CDH13: variants seen among roughly 807,000 people sequenced by gnomAD.
The protein encoded by CDH13 is cadherin 13, also known as cadherin-13.
Under a neutral mutation model 63.8 loss-of-function variants are expected in CDH13, and 24 were observed. That is an observed-to-expected ratio of 0.38 (90% CI 0.27 to 0.53). The LOEUF is 0.53. Ranked by LOEUF, CDH13 falls within the 20% of genes least tolerant of loss-of-function variation. CDH13 has a pLI of 0.85. For missense variants in CDH13, 1,049 were observed against 903.1 expected (o/e 1.16, Z -2.07); for synonymous variants, 503 against 355.3 (o/e 1.42, Z -4.67).
rs572415242 is a variant in CDH13 at position 83,210,916 on chromosome 16, G to A, written c.484-6429G>A. 3.3e-4 allele frequency among the ~76,000 whole-genome samples: 50 copies of A among 151,702 alleles called. 1 individual carries two copies. The highest frequency in any genetic ancestry group is 1.2e-3 in the African/African-American group (48 of 41,388). ...TCTAATCCGAGCACTTTGGGAGGCC[G>A]AGGCAGGCAGATCACAAGGTCAGGA... On this transcript the variant is annotated intron_variant, in intron 4 of 13. Transcript: ENST00000567109.
At chr16:83,197,141 G>A (rs2038900074) in intron 4 of CDH13, among the ~76,000 whole-genome samples, 1 of 152,098 alleles carries the variant, frequency 6.6e-6, no homozygotes, top group African/African-American at 2.4e-5. Context: ...CAGCAACTTG[G>A]AAGAATCTCC....
At chr16:82,696,494 G>T (rs918815090) in intron 1 of CDH13, among the ~76,000 whole-genome samples, 1 of 152,218 alleles carries the variant, frequency 6.6e-6, no homozygotes, top group African/African-American at 2.4e-5. Context: ...CAGCTTTGCA[G>T]TTAAGTTCTG....
intron 2 of CDH13, among the ~76,000 whole-genome samples, chr16:83,006,028 A>C (rs1413699489): frequency 6.6e-6 from 1 of 152,208 alleles, no homozygotes; most frequent in Non-Finnish European, 1.5e-5. Context: ...AAATGTACTC[A>C]GTTCAGATTC....
At chr16:83,060,970 ACT>A (rs1476600610) in intron 3 of CDH13, among the ~76,000 whole-genome samples, 3 of 151,732 alleles carry the variant, frequency 2.0e-5, no homozygotes, top group Non-Finnish European at 2.9e-5. Context: ...ATGGCTAATG[ACT>A]CTCACTCCTA....
At chr16:83,476,608 G>T (rs746957579) in intron 6 of CDH13, among the ~76,000 whole-genome samples, 4 of 152,192 alleles carry the variant, frequency 2.6e-5, no homozygotes, top group African/African-American at 4.8e-5. Flanking sequence ...GGGGGACAGA[G>T]GTTGCTGTGA....
At chr16:83,695,328 T>C (rs1042122227) in intron 10 of CDH13, among the ~76,000 whole-genome samples, 1 of 152,404 alleles carries the variant, frequency 6.6e-6, no homozygotes, top group East Asian at 1.9e-4. Flanking sequence ...ATGGCGCTGC[T>C]GTGCGCAAGC....
chr16:82,788,907 A>T (rs1423181883), intron 1 of CDH13, among the ~76,000 whole-genome samples: 1 of 152,196 alleles, frequency 6.6e-6, no homozygotes, highest in Non-Finnish European at 1.5e-5. Flanking sequence ...TTGTAGGAAG[A>T]CATTTAAAAG....
At chr16:83,019,068 AG>A (rs1430747907) in intron 2 of CDH13, among the ~76,000 whole-genome samples, 2 of 152,150 alleles carry the variant, frequency 1.3e-5, no homozygotes, top group Admixed American at 6.5e-5. Flanking sequence ...TATAAGAAAA[AG>A]CTTTCTTTCT....
chr16:83,147,848 C>G (rs994423418), intron 4 of CDH13, among the ~76,000 whole-genome samples: 2 of 152,142 alleles, frequency 1.3e-5, no homozygotes, highest in Non-Finnish European at 2.9e-5. Flanking sequence ...GCACAGCACC[C>G]TGACACCATC....
chr16:83,740,785 GTAT>G (rs1426363907), intron 10 of CDH13, among the ~76,000 whole-genome samples: 1 of 152,178 alleles, frequency 6.6e-6, no homozygotes, highest in Admixed American at 6.5e-5. Context: ...AAGGCAAGAA[GTAT>G]CCCATCCTCC....
chr16:82,882,315 T>C (rs1055417822), intron 2 of CDH13, among the ~76,000 whole-genome samples: 1 of 152,194 alleles, frequency 6.6e-6, no homozygotes, highest in African/African-American at 2.4e-5. Flanking sequence ...TGGGTACTAA[T>C]GTCATCTTCC....
At chr16:83,228,586 A>C (rs796892263) in intron 5 of CDH13, among the ~76,000 whole-genome samples, 15 of 152,320 alleles carry the variant, frequency 9.8e-5, no homozygotes, top group African/African-American at 3.6e-4. Flanking sequence ...CAAATTCTCA[A>C]GAATGAGGAA....
chr16:83,159,903 C>T (rs1047345472), intron 4 of CDH13, among the ~76,000 whole-genome samples: 6 of 151,932 alleles, frequency 3.9e-5, no homozygotes, highest in Non-Finnish European at 2.9e-5. Flanking sequence ...GGCGAAAACC[C>T]GTATCTACTA....
intron 3 of CDH13, among the ~76,000 whole-genome samples, chr16:83,052,171 A>G (rs1368649390): frequency 6.6e-6 from 1 of 152,226 alleles, no homozygotes; most frequent in Non-Finnish European, 1.5e-5. Flanking sequence ...AACCTTTACC[A>G]AAATGAGCAA....
intron 2 of CDH13, among the ~76,000 whole-genome samples, chr16:83,029,642 A>C (rs112809889): frequency 2.6e-5 from 4 of 152,308 alleles, no homozygotes; most frequent in African/African-American, 9.6e-5. Flanking sequence ...GTATGACCAC[A>C]TTAGATGCCA....
intron 8 of CDH13, among the ~76,000 whole-genome samples, chr16:83,622,330 C>A (rs1275182090): frequency 6.6e-6 from 1 of 151,786 alleles, no homozygotes; most frequent in African/African-American, 2.4e-5. Context: ...GCACTGCACT[C>A]CCCTGAGCTT....
chr16:83,078,433 G>A (rs544513792), intron 3 of CDH13, among the ~76,000 whole-genome samples: 14 of 152,302 alleles, frequency 9.2e-5, no homozygotes, highest in Non-Finnish European at 1.5e-4. Flanking sequence ...TAGATCCCTC[G>A]CATGTGAGGA....
At chr16:82,630,245 T>C (rs925849450) in intron 1 of CDH13, among the ~76,000 whole-genome samples, 2 of 152,148 alleles carry the variant, frequency 1.3e-5, no homozygotes, top group East Asian at 1.9e-4. Flanking sequence ...CTAGGGTCAA[T>C]ACATGACAGC....
chr16:82,775,098 C>T (rs928231094), intron 1 of CDH13, among the ~76,000 whole-genome samples: 10 of 152,292 alleles, frequency 6.6e-5, no homozygotes, highest in African/African-American at 2.2e-4. Flanking sequence ...CTCTACCACT[C>T]ACTTGGGACT....
Sources: allele counts gnomAD v4.1 joint callset (sites outside exome capture counted in the v4.1 genomes callset), GRCh38; gene constraint gnomAD v4.1.1; transcripts MANE v1.5; gene names NCBI Gene and HGNC (gene_info 2026-07-23, HGNC 2026-07-21).